Variants in NCOR1 observed in about 807,000 individuals in gnomAD.
The protein encoded by NCOR1 is nuclear receptor corepressor 1.
A neutral mutation model predicts 288.1 loss-of-function variants in NCOR1; 63 were observed. The ratio of observed to expected loss-of-function variants is 0.22; its 90% CI spans 0.18 to 0.27. The LOEUF is 0.27. Ranked by LOEUF, NCOR1 falls within the 10% of genes least tolerant of loss-of-function variation. The probability of loss-of-function intolerance (pLI) is 1.00; values close to 1 mark genes in which losing one functional copy is unlikely to be tolerated. For synonymous variants in NCOR1, 1,007 were observed against 1,065.9 expected, an observed-to-expected ratio of 0.94 and a Z score of 1.08; for missense variants, 2,397 against 3,019.2, an observed-to-expected ratio of 0.79 and a Z score of 4.83.
chr17:16,177,806 TCAC>T (rs2084532097), intron 3 of NCOR1, among the ~76,000 whole-genome samples: 1 of 152,168 alleles, frequency 6.6e-6, no homozygotes, highest in African/African-American at 2.4e-5. Context: ...AGCAAACCAT[TCAC>T]CACCACCAAT....
At chr17:16,165,248 C>T (rs1401122749) in intron 4 of NCOR1, 87 bp from the exon 5 acceptor site, 5 of 1,040,460 alleles carry the variant, frequency 4.8e-6, no homozygotes, top group Non-Finnish European at 6.9e-6. Context: ...TTTTAAACCA[C>T]AGCAGAGCCA....
chr17:16,153,317 G>T (rs773135547), intron 7 of NCOR1, 22 bp downstream of exon 7: 1 of 1,529,522 alleles, frequency 6.5e-7, no homozygotes, highest in South Asian at 1.2e-5. Context: ...AAAAATCACT[G>T]GAAATGAAAA....
At chr17:16,153,070 C>T (rs2079123980) in intron 7 of NCOR1, among the ~76,000 whole-genome samples, 1 of 152,026 alleles carries the variant, frequency 6.6e-6, no homozygotes, top group South Asian at 2.1e-4. Context: ...ATTCAAAGAG[C>T]TTTCTAATTC....
intron 11 of NCOR1, among the ~76,000 whole-genome samples, chr17:16,141,634 C>T (rs1036111062): frequency 6.6e-5 from 10 of 152,118 alleles, no homozygotes; most frequent in Non-Finnish European, 1.5e-5. Context: ...AAGACAAACT[C>T]TGTACAAAGA....
intron 9 of NCOR1, among the ~76,000 whole-genome samples, chr17:16,148,552 T>C (rs1046102323): frequency 2.6e-5 from 4 of 151,474 alleles, no homozygotes; most frequent in African/African-American, 9.7e-5. Flanking sequence ...CTTACAGTGT[T>C]TGCATCACCA....
chr17:16,215,028 C>A (rs1437399016), intron 1 of NCOR1, among the ~76,000 whole-genome samples: 1 of 152,220 alleles, frequency 6.6e-6, no homozygotes, highest in Non-Finnish European at 1.5e-5. Context: ...GGGGCACCGG[C>A]TGCCCGCTCT....
intron 42 of NCOR1, 116 bp downstream of exon 42, chr17:16,046,835 T>C: frequency 8.2e-7 from 1 of 1,219,370 alleles, no homozygotes; most frequent in South Asian, 1.5e-5. Flanking sequence ...ATCAGATGTG[T>C]TGGACAGATG....
At chr17:16,131,512 A>T (rs2075633991) in intron 14 of NCOR1, among the ~76,000 whole-genome samples, 1 of 152,236 alleles carries the variant, frequency 6.6e-6, no homozygotes, top group African/African-American at 2.4e-5. Context: ...GAAACAGACA[A>T]GTTCCCACTC....
rs2062003828 is a variant in NCOR1 at position 16,073,478 on chromosome 17, T to C, written c.3762A>G (p.Ile1254Met). 2 of 1,612,068 alleles carry C rather than the reference T, an allele frequency of 1.2e-6. No homozygotes were observed. The highest frequency in any genetic ancestry group is 1.7e-6 in the Non-Finnish European group (2 of 1,179,038). ...ACTCCCTCATTGACATCCCTTGCTT[T>C]ATATTTCCTTCCACTGATTCATAGC... is the stretch of plus-strand genomic sequence containing the variant. ...KRSYESVEGN[I>M]KQGMSMRESP... The change falls in exon 28 of 46, where the codon ATA (isoleucine) becomes ATG (methionine). Residue 1254 changes from isoleucine to methionine, a missense_variant. Around this residue, in one of 11 missense-constraint regions of NCOR1, gnomAD observed 1,872 missense variants for 2,187.8 expected, o/e 0.86. Transcript: ENST00000268712.
rs61755986 is a variant in NCOR1, at chr17:16,039,634, G to A, written c.6754C>T (p.His2252Tyr). ...TTSGSVSSRG[H>Y]SFADPASNLG... ...TTACTGGCAGGATCAGCAAAAGAAT[G>A]GCCTCTAGAGCTAACTGAGCCTGAA... Residue 2252 changes from histidine (H) to tyrosine (Y), a missense_variant, in exon 44 of 46, where the codon CAT becomes TAT. His to Tyr is a moderately conservative substitution (Grantham distance 83). This residue lies in a region of NCOR1 where 1,872 missense variants were observed against 2,187.8 expected (regional missense o/e 0.86). Coordinates refer to ENST00000268712, the MANE Select transcript of NCOR1 (RefSeq NM_006311.4). 2,965 of 1,613,892 alleles carry A rather than the reference G, an allele frequency of 1.8e-3. 3 individuals carry two copies. The highest frequency in any genetic ancestry group is 2.4e-3 in the Non-Finnish European group (2,783 of 1,179,920).
chr17:16,125,956 C>T (rs2073969124), intron 15 of NCOR1, 126 bp downstream of exon 15: 5 of 541,110 alleles, frequency 9.2e-6, no homozygotes, highest in South Asian at 8.0e-5. Context: ...CGATGGTACA[C>T]TAAAAGCACA....
chr17:16,149,292 C>CATATATATATATATATATATAT (rs34511605), intron 9 of NCOR1, among the ~76,000 whole-genome samples, 159 bp downstream of exon 9: 11 of 137,962 alleles, frequency 8.0e-5, no homozygotes, highest in African/African-American at 2.2e-4. Context: ...AGATTTAAGT[C>CATATATATATATATATATATAT]ATATATATAT....
At chr17:16,215,283 G>A (rs558754133) in intron 1 of NCOR1, 79 bp downstream of exon 1, 134 of 389,298 alleles carry the variant, frequency 3.4e-4, no homozygotes, top group Middle Eastern at 2.6e-3. Context: ...CCCAGCGGCT[G>A]CTGCCCCGGG....
intron 17 of NCOR1, among the ~76,000 whole-genome samples, chr17:16,118,281 T>C (rs190449077): frequency 6.6e-6 from 1 of 152,328 alleles, no homozygotes; most frequent in Admixed American, 6.5e-5. Flanking sequence ...CCTTCCTATG[T>C]ATCTCTCACA....
At chr17:16,048,743 T>C in intron 41 of NCOR1, 102 bp downstream of exon 41, 2 of 1,310,398 alleles carry the variant, frequency 1.5e-6, no homozygotes, top group South Asian at 2.3e-5. Flanking sequence ...CATCCAGACA[T>C]AAAAGCCCAA....
chr17:16,154,955 G>C (rs1258113067), intron 6 of NCOR1, among the ~76,000 whole-genome samples: 1 of 152,168 alleles, frequency 6.6e-6, no homozygotes, highest in Admixed American at 6.5e-5. Flanking sequence ...ATAATTCCTA[G>C]GATGCTGGCC....
intron 35 of NCOR1, among the ~76,000 whole-genome samples, chr17:16,063,649 C>A (rs1428038748): frequency 6.6e-6 from 1 of 152,168 alleles, no homozygotes; most frequent in African/African-American, 2.4e-5. Flanking sequence ...GATCATGTCA[C>A]CTGCCTCCTG....
intron 2 of NCOR1, among the ~76,000 whole-genome samples, chr17:16,188,508 G>A (rs2087282462): frequency 6.6e-6 from 1 of 151,854 alleles, no homozygotes; most frequent in South Asian, 2.1e-4. Flanking sequence ...CTACTCAGGA[G>A]GCTGAGGCAG....
intron 22 of NCOR1, 64 bp from the exon 23 acceptor site, chr17:16,086,506 C>G: frequency 7.2e-7 from 1 of 1,394,838 alleles, no homozygotes; most frequent in Non-Finnish European, 9.8e-7. Context: ...CATGTTACCT[C>G]TCTCAGTCAT....
Sources: gnomAD v4.1 joint callset for allele counts (sites outside exome capture counted in the v4.1 genomes callset) on GRCh38, gnomAD v4.1.1 for gene constraint, gnomAD v4.1.1 regional missense constraint, MANE v1.5 for transcripts, NCBI Gene and HGNC (gene_info 2026-07-23, HGNC 2026-07-21) for gene names.